Variants in RYR2 observed in about 807,000 individuals in gnomAD.
RYR2 encodes the protein ryanodine receptor 2, also known as cardiac muscle ryanodine receptor-calcium release channel.
A neutral mutation model predicts 601.1 loss-of-function variants in RYR2; 227 were observed. That is an observed-to-expected ratio of 0.38 (90% CI 0.34 to 0.42). The LOEUF is 0.42. RYR2 is among the 10% of genes least tolerant of loss of function. RYR2 has a pLI of 1.00. For synonymous variants in RYR2, 2,223 were observed against 2,175.1 expected (o/e 1.02, Z -0.61); for missense variants, 4,646 against 6,156.5 (o/e 0.75, Z 8.21).
intron 84 of RYR2, among the ~76,000 whole-genome samples, chr1:237,761,374 T>A (rs931645833): frequency 6.6e-6 from 1 of 152,188 alleles, no homozygotes; most frequent in African/African-American, 2.4e-5. Context: ...CATTTGACTT[T>A]CTTTGGCCAC....
intron 91 of RYR2, among the ~76,000 whole-genome samples, chr1:237,787,177 T>A (rs1332753990): frequency 6.6e-6 from 1 of 151,796 alleles, no homozygotes; most frequent in Non-Finnish European, 1.5e-5. Flanking sequence ...TTATTTTATT[T>A]AATAAAATTA....
At chr1:237,550,476 T>G (rs1670275969) in intron 26 of RYR2, 68 bp from the exon 27 acceptor site, 3 of 1,537,628 alleles carry the variant, frequency 2.0e-6, no homozygotes, top group Admixed American at 2.0e-5. Context: ...TTTGATGTAT[T>G]TGGTAGCTAC....
chr1:237,653,461 A>G (rs1263431825), intron 51 of RYR2, among the ~76,000 whole-genome samples: 1 of 152,242 alleles, frequency 6.6e-6, no homozygotes, highest in Non-Finnish European at 1.5e-5. Context: ...ATACATAGAC[A>G]TCCAAACAAC....
At chr1:237,638,885 T>G (rs1681152901) in intron 45 of RYR2, 130 bp from the exon 46 acceptor site, 1 of 1,078,096 alleles carries the variant, frequency 9.3e-7, no homozygotes, top group Non-Finnish European at 1.3e-6. Flanking sequence ...TAGGATTACA[T>G]TTTGGCTTTA....
intron 1 of RYR2, among the ~76,000 whole-genome samples, chr1:237,054,275 T>TCC (rs1661679221): frequency 7.3e-6 from 1 of 137,352 alleles, no homozygotes; most frequent in African/African-American, 2.7e-5. Context: ...TTCCTTCCCT[T>TCC]TTCCTCCCTC....
intron 1 of RYR2, among the ~76,000 whole-genome samples, chr1:237,091,926 G>C (rs1667001532): frequency 6.6e-6 from 1 of 152,178 alleles, no homozygotes; most frequent in Admixed American, 6.5e-5. Context: ...TGAGAAGATG[G>C]GAATATGCAG....
intron 4 of RYR2, among the ~76,000 whole-genome samples, chr1:237,357,066 T>G (rs1249959401): frequency 2.0e-5 from 3 of 152,190 alleles, no homozygotes; most frequent in Non-Finnish European, 4.4e-5. Flanking sequence ...TTTTAAATTT[T>G]TTTTAGCCCT....
chr1:237,054,673 C>T (rs1661752127), intron 1 of RYR2, among the ~76,000 whole-genome samples: 1 of 152,124 alleles, frequency 6.6e-6, no homozygotes, highest in Non-Finnish European at 1.5e-5. Context: ...TGATACCACA[C>T]TGGTTCTTTA....
At chr1:237,729,797 A>C (rs1254495475) in intron 76 of RYR2, among the ~76,000 whole-genome samples, 1 of 152,148 alleles carries the variant, frequency 6.6e-6, no homozygotes, top group Non-Finnish European at 1.5e-5. Context: ...TGGAATCCTC[A>C]GGGCCATCCA....
intron 1 of RYR2, among the ~76,000 whole-genome samples, chr1:237,082,955 A>G (rs1231997546): frequency 6.6e-6 from 1 of 152,072 alleles, no homozygotes; most frequent in Non-Finnish European, 1.5e-5. Context: ...ATTTTTAACA[A>G]TTTCCCCGAC....
At position 237,500,598 on chromosome 1, in the gene RYR2, G is replaced by T. The variant is rs948046023; in HGVS notation, c.2204-113G>T. 7.9e-5 allele frequency: 62 copies of T among 785,974 alleles called. No individual in the cohort carries two copies. In the African/African-American group the frequency reaches 8.1e-4, roughly 10 times the overall value. 48.7% of individuals were successfully genotyped at this position (785,974 alleles called of 1,614,324 possible). On this transcript the variant is annotated intron_variant, in intron 20 of 104. Transcript: ENST00000366574. The stretch of plus-strand genomic sequence containing the variant: ...TTTACATTCAAGATTTATTCCTTCT[G>T]ATGTTGTGCATTGGTTTGTCACTAC...
chr1:237,393,634 G>T (rs1273514848), intron 10 of RYR2, among the ~76,000 whole-genome samples: 1 of 152,180 alleles, frequency 6.6e-6, no homozygotes, highest in Non-Finnish European at 1.5e-5. Flanking sequence ...TCTGTCTTCA[G>T]GTCCTGCATA....
intron 3 of RYR2, among the ~76,000 whole-genome samples, chr1:237,351,854 CAAAAAAAAAAAAA>C (rs33955032): frequency 2.7e-4 from 11 of 40,932 alleles, no homozygotes; most frequent in Admixed American, 1.4e-3. Context: ...AAAGACCATG[CAAAAAAAAAAAAA>C]AAAAAAAAAA....
At chr1:237,555,386 C>T (rs1345418580) in intron 27 of RYR2, among the ~76,000 whole-genome samples, 3 of 151,934 alleles carry the variant, frequency 2.0e-5, no homozygotes, top group Non-Finnish European at 4.4e-5. Flanking sequence ...ATGTAGGTAG[C>T]AGTGATGACA....
At chr1:237,315,735 A>C (rs1003095162) in intron 2 of RYR2, among the ~76,000 whole-genome samples, 1 of 152,220 alleles carries the variant, frequency 6.6e-6, no homozygotes, top group Non-Finnish European at 1.5e-5. Flanking sequence ...TGTTTCATGG[A>C]TGAGTCCATA....
intron 87 of RYR2, among the ~76,000 whole-genome samples, chr1:237,774,662 G>A (rs1694516437): frequency 6.6e-6 from 1 of 152,030 alleles, no homozygotes; most frequent in Non-Finnish European, 1.5e-5. Context: ...AGTCAGTTTT[G>A]GTCTACTCAC....
intron 59 of RYR2, 106 bp from the exon 60 acceptor site, chr1:237,674,625 A>C (rs1685235751): frequency 1.9e-6 from 1 of 526,126 alleles, no homozygotes; most frequent in East Asian, 3.2e-5. Context: ...ATATATAGAT[A>C]AACATATATG....
intron 63 of RYR2, among the ~76,000 whole-genome samples, chr1:237,689,455 G>A (rs1453477235): frequency 1.3e-5 from 2 of 152,114 alleles, no homozygotes; most frequent in Non-Finnish European, 2.9e-5. Flanking sequence ...CTTTTCAGCT[G>A]TTCTTGAAAT....
At chr1:237,331,284 G>A (rs1459197013) in intron 3 of RYR2, among the ~76,000 whole-genome samples, 1 of 151,984 alleles carries the variant, frequency 6.6e-6, no homozygotes, top group African/African-American at 2.4e-5. Context: ...AGCTGTTATT[G>A]TTATTATTTT....
Sources: gnomAD v4.1 joint callset for allele counts (sites outside exome capture counted in the v4.1 genomes callset) on GRCh38, gnomAD v4.1.1 for gene constraint, MANE v1.5 for transcripts, NCBI Gene and HGNC (gene_info 2026-07-23, HGNC 2026-07-21) for gene names.